Variants in ASTN2 observed in about 807,000 individuals in gnomAD.
The protein encoded by ASTN2 is astrotactin-2.
Under a neutral mutation model 139.8 loss-of-function variants are expected in ASTN2, and 54 were observed. The observed-to-expected ratio is 0.39, with a 90% CI of 0.31 to 0.48. ASTN2 has a LOEUF of 0.48. Ranked by LOEUF, ASTN2 falls within the 20% of genes least tolerant of loss-of-function variation. ASTN2 has a pLI of 0.95. For missense variants in ASTN2, 1,565 were observed against 1,725.1 expected, an observed-to-expected ratio of 0.91 and a Z score of 1.64; for synonymous variants, 756 against 719.5, an observed-to-expected ratio of 1.05 and a Z score of -0.81.
At chr9:116,985,892 C>CAG (rs1356941004) in intron 7 of ASTN2, among the ~76,000 whole-genome samples, 1 of 152,172 alleles carries the variant, frequency 6.6e-6, no homozygotes, top group Non-Finnish European at 1.5e-5. Context: ...CAGAGGGACA[C>CAG]AGCCTGGTAA....
chr9:117,205,184 A>G (rs1831875351), intron 3 of ASTN2, among the ~76,000 whole-genome samples: 1 of 152,226 alleles, frequency 6.6e-6, no homozygotes, highest in Non-Finnish European at 1.5e-5. Flanking sequence ...CAAGGGGAAT[A>G]TTCAAAGCAT....
intron 1 of ASTN2, among the ~76,000 whole-genome samples, chr9:117,391,416 T>C (rs1168151906): frequency 6.6e-6 from 1 of 152,200 alleles, no homozygotes; most frequent in Non-Finnish European, 1.5e-5. Flanking sequence ...TCACATCTTA[T>C]GTGGATGGCA....
At chr9:116,467,766 AT>A (rs1365408283) in intron 20 of ASTN2, among the ~76,000 whole-genome samples, 1 of 152,222 alleles carries the variant, frequency 6.6e-6, no homozygotes, top group Non-Finnish European at 1.5e-5. Flanking sequence ...AAACAAGATA[AT>A]GTTTTTAAAT....
chr9:116,632,256 A>AGAAAGAAAGAAAGAAAGAAAGAAAGAAG (rs1856839006), intron 17 of ASTN2, among the ~76,000 whole-genome samples: 1 of 103,088 alleles, frequency 9.7e-6, no homozygotes, highest in African/African-American at 4.6e-5. Context: ...AAAGAAGGAA[A>AGAAAGAAAGAAAGAAAGAAAGAAAGAAG]GAAAGAAAGA....
chr9:116,648,716 A>C (rs1857736412), intron 17 of ASTN2, among the ~76,000 whole-genome samples: 1 of 151,832 alleles, frequency 6.6e-6, no homozygotes, highest in East Asian at 1.9e-4. Context: ...ACTTTAATGA[A>C]CTCTCACTAA....
At chr9:116,431,305 C>T (rs193072308) in intron 22 of ASTN2, among the ~76,000 whole-genome samples, 7 of 152,252 alleles carry the variant, frequency 4.6e-5, no homozygotes, top group South Asian at 2.1e-4. Context: ...CCCTGCCTTA[C>T]GGAGTTGAGC....
intron 13 of ASTN2, among the ~76,000 whole-genome samples, chr9:116,745,071 GCCCAT>G (rs1244395517): frequency 1.3e-5 from 2 of 152,318 alleles, no homozygotes; most frequent in African/African-American, 4.8e-5. Flanking sequence ...CTATCCAGTG[GCCCAT>G]ACCCATGGGT....
At chr9:116,721,246 G>A (rs1196827310) in intron 16 of ASTN2, among the ~76,000 whole-genome samples, 1 of 152,168 alleles carries the variant, frequency 6.6e-6, no homozygotes, top group Non-Finnish European at 1.5e-5. Context: ...CTGGGAAGAG[G>A]TAGAGCTGGG....
intron 1 of ASTN2, among the ~76,000 whole-genome samples, chr9:117,338,385 A>G (rs1188284684): frequency 6.6e-6 from 1 of 152,034 alleles, no homozygotes; most frequent in Non-Finnish European, 1.5e-5. Context: ...TGAAGCATAT[A>G]AGCACCTTCA....
At chr9:117,336,681 C>G (rs1269577497) in intron 1 of ASTN2, among the ~76,000 whole-genome samples, 1 of 152,180 alleles carries the variant, frequency 6.6e-6, no homozygotes, top group African/African-American at 2.4e-5. Flanking sequence ...CATTCCTGAC[C>G]TTGCCTAAAA....
chr9:117,350,250 T>C (rs1829345057), intron 1 of ASTN2, among the ~76,000 whole-genome samples: 1 of 152,050 alleles, frequency 6.6e-6, no homozygotes, highest in Non-Finnish European at 1.5e-5. Context: ...GTTTGGAGAA[T>C]AGAGAAATAA....
chr9:116,620,545 G>A, intron 17 of ASTN2, 102 bp from the exon 18 acceptor site: 2 of 1,449,336 alleles, frequency 1.4e-6, no homozygotes, highest in South Asian at 2.3e-5. Context: ...GGGCTTTAGA[G>A]TAGCCCCTTT....
intron 11 of ASTN2, among the ~76,000 whole-genome samples, chr9:116,836,177 C>CACATACAAA (rs1831984355): frequency 6.6e-6 from 1 of 152,152 alleles, no homozygotes; most frequent in African/African-American, 2.4e-5. Context: ...TGTCTAGTCA[C>CACATACAAA]TGTTCCCCCC....
chr9:116,962,914 C>T (rs1022062900), intron 10 of ASTN2, among the ~76,000 whole-genome samples: 2 of 152,082 alleles, frequency 1.3e-5, no homozygotes, highest in African/African-American at 2.4e-5. Context: ...AAAACATCTT[C>T]GTGAACATAC....
chr9:116,767,412 T>C (rs1243833024), intron 13 of ASTN2, among the ~76,000 whole-genome samples: 1 of 152,302 alleles, frequency 6.6e-6, no homozygotes, highest in South Asian at 2.1e-4. Context: ...GCTTGGCGGA[T>C]GCACTGTAAG....
chr9:117,305,860 A>G (rs1263167973), intron 1 of ASTN2, among the ~76,000 whole-genome samples: 1 of 152,244 alleles, frequency 6.6e-6, no homozygotes, highest in Non-Finnish European at 1.5e-5. Flanking sequence ...TTACTGTGCC[A>G]GCACAAGAAC....
At chr9:116,526,706 C>G (rs1851107716) in intron 19 of ASTN2, among the ~76,000 whole-genome samples, 1 of 151,308 alleles carries the variant, frequency 6.6e-6, no homozygotes, top group Non-Finnish European at 1.5e-5. Context: ...TTCAGAAATA[C>G]AATTTTTGAT....
Position 117,008,216 on chromosome 9 carries a change from G to A in ASTN2, c.1467C>T (p.Ser489=), listed in dbSNP as rs61736198. 5.7e-3 allele frequency: 9,128 copies of A among 1,609,680 alleles called. 45 individuals are homozygous for A. Among genetic ancestry groups the A allele is most frequent in the East Asian group, 0.021 (947 of 44,458 alleles). The stretch of plus-strand genomic sequence containing the variant: ...AAAGCTTGGCCGGGTTTAACCAGTC[G>A]GAGATGTCCAGGTAGCTCCCTTCAC... ...VVSEGSYLDI[S]DWLNPAKLSL... is the part of the protein sequence containing the mutation. The change falls in exon 7 of 23, where the codon TCC becomes TCT. Residue 489 remains serine (S), a synonymous_variant. Transcript: ENST00000313400.
intron 1 of ASTN2, among the ~76,000 whole-genome samples, chr9:117,364,332 G>A (rs993168685): frequency 1.3e-5 from 2 of 152,136 alleles, no homozygotes; most frequent in African/African-American, 4.8e-5. Context: ...ATCATGAAGG[G>A]CTTGTTTTTC....
Sources: gnomAD v4.1 joint callset for allele counts (sites outside exome capture counted in the v4.1 genomes callset) on GRCh38, gnomAD v4.1.1 for gene constraint, MANE v1.5 for transcripts, NCBI Gene and HGNC (gene_info 2026-07-23, HGNC 2026-07-21) for gene names.